The following BTBD7 variants were observed in gnomAD, a reference collection of about 807,000 sequenced individuals.
The protein encoded by BTBD7 is BTB domain containing 7.
A neutral mutation model predicts 99.9 loss-of-function variants in BTBD7; 38 were observed. The ratio of observed to expected loss-of-function variants is 0.38; its 90% CI spans 0.29 to 0.50. BTBD7 has a LOEUF of 0.50. BTBD7 is among the 20% of genes least tolerant of loss of function. The pLI, the probability that BTBD7 is intolerant of heterozygous loss-of-function variation, is 0.93. For missense variants in BTBD7, 1,170 were observed against 1,394.6 expected, an observed-to-expected ratio of 0.84 and a Z score of 2.57; for synonymous variants, 520 against 511.4, an observed-to-expected ratio of 1.02 and a Z score of -0.23.
intron 1 of BTBD7, among the ~76,000 whole-genome samples, chr14:93,296,668 A>C (rs1223945891): frequency 6.6e-6 from 1 of 152,242 alleles, no homozygotes; most frequent in Admixed American, 6.5e-5. Flanking sequence ...TTTTACTAAA[A>C]GAGGGAGGAG....
At chr14:93,326,549 C>T (rs989717210) in intron 1 of BTBD7, among the ~76,000 whole-genome samples, 15 of 152,328 alleles carry the variant, frequency 9.8e-5, no homozygotes, top group African/African-American at 3.4e-4. Context: ...CGCCTATAAT[C>T]CCAGCAATTT....
chr14:93,285,118 T>C (rs192154166), intron 3 of BTBD7, among the ~76,000 whole-genome samples: 41 of 152,234 alleles, frequency 2.7e-4, no homozygotes, highest in African/African-American at 9.6e-4. Context: ...GAGACAATTA[T>C]AGACAGAAGT....
At chr14:93,316,616 G>C in intron 1 of BTBD7, among the ~76,000 whole-genome samples, 1 of 152,090 alleles carries the variant, frequency 6.6e-6, no homozygotes, top group African/African-American at 2.4e-5. Context: ...TATAAGGTCA[G>C]GGTTTTTCTT....
intron 1 of BTBD7, among the ~76,000 whole-genome samples, chr14:93,314,875 A>G (rs1462213216): frequency 6.6e-6 from 1 of 152,190 alleles, no homozygotes; most frequent in Non-Finnish European, 1.5e-5. Flanking sequence ...ACTGATATTC[A>G]TTAGTCCCCA....
chr14:93,266,584 A>T (rs2052546127), intron 3 of BTBD7, among the ~76,000 whole-genome samples: 2 of 151,930 alleles, frequency 1.3e-5, no homozygotes, highest in Admixed American at 1.3e-4. Flanking sequence ...AATTTCTAAC[A>T]ATTAGAATTT....
In BTBD7 at chr14:93,240,210, G is replaced by A. The variant is rs1408478326; in HGVS notation, c.*2063C>T. On this transcript the variant is annotated 3_prime_UTR_variant, in exon 11 of 11. Coordinates refer to ENST00000334746, the MANE Select transcript of BTBD7 (RefSeq NM_001002860.4). ...CTCGGGAGCGTGCACCACCACCAGT[G>A]TCACCGAGCGCACCCGCACAGCAGC... is the stretch of plus-strand genomic sequence containing the variant. 1 of 152,644 alleles carries A rather than the reference G, an allele frequency of 6.6e-6. No homozygotes were observed. Among genetic ancestry groups the A allele is most frequent in the African/African-American group, 2.4e-5 (1 of 41,456 alleles). The allele number at this position is 152,644 out of a possible 1,614,324, so 9.5% of individuals were successfully genotyped here.
intron 3 of BTBD7, among the ~76,000 whole-genome samples, chr14:93,277,856 A>C (rs1466237147): frequency 6.6e-6 from 1 of 152,174 alleles, no homozygotes; most frequent in Non-Finnish European, 1.5e-5. Context: ...TATAATGAGA[A>C]CAGAAACAGT....
intron 3 of BTBD7, among the ~76,000 whole-genome samples, chr14:93,277,470 TATGCAGGC>T (rs2052669003): frequency 6.6e-6 from 1 of 152,196 alleles, no homozygotes; most frequent in Non-Finnish European, 1.5e-5. Context: ...CACATTCTTA[TATGCAGGC>T]ATCTTGCTGG....
chr14:93,245,916 G>A lies in BTBD7; in HGVS notation c.2492C>T (p.Ala831Val), dbSNP rs564361018. Residue 831 changes from alanine (A) to valine (V), a missense_variant, in exon 10 of 11, where the codon GCA (alanine) becomes GTA (valine). Ala to Val is a moderately conservative substitution (Grantham distance 64). Transcript: ENST00000334746. ...KAAPPDCTST[A>V]GLGRQTVAAA... ...AGCCACCGTCTGTCTGCCCAGTCCT[G>A]CAGTGCTGGTACAATCAGGCGGTGC... 1 of 1,614,146 alleles carries A rather than the reference G, an allele frequency of 6.2e-7. No individual in the cohort carries two copies. Among genetic ancestry groups the A allele is most frequent in the African/African-American group, 1.3e-5 (1 of 75,044 alleles).
At chr14:93,296,684 G>T (rs916245697) in intron 1 of BTBD7, among the ~76,000 whole-genome samples, 4 of 152,100 alleles carry the variant, frequency 2.6e-5, no homozygotes, top group Admixed American at 6.5e-5. Context: ...AGGAGGAAAG[G>T]TGGACAATTA....
rs186498457 is a variant in BTBD7, at chr14:93,305,696, C to G, written c.-106-9539G>C. Among the ~76,000 whole-genome samples the G allele has an allele frequency of 2.0e-5, 3 of 152,310 alleles. No homozygotes were observed. The East Asian group carries it at 5.8e-4, about 29-fold the overall frequency. On this transcript the variant is annotated intron_variant, in intron 1 of 10. Coordinates refer to ENST00000334746, the MANE Select transcript of BTBD7 (RefSeq NM_001002860.4). ...CAATGAAAGTCTGCATCTTAAAACT[C>G]TATTTTCCATTTGTTTAGAAGCTTG...
At position 93,251,486 on chromosome 14, in the gene BTBD7, G is replaced by A; in HGVS notation, c.1919C>T (p.Ser640Leu). ...ACCTGGAATTTCGTTGGCTACAACT[G>A]AAGGAGGGCTTGACTGGTTGCTGCT... ...QISSNQSSPP[S>L]VVANEIPVPR... Residue 640 changes from serine (S) to leucine (L), a missense_variant, in exon 8 of 11, where the codon TCA becomes TTA. Ser to Leu is a moderately radical substitution (Grantham distance 145). This residue lies in a region of BTBD7 where 309 missense variants were observed against 342.0 expected (regional missense o/e 0.90). Coordinates refer to ENST00000334746, the MANE Select transcript of BTBD7 (RefSeq NM_001002860.4). 6.2e-7 allele frequency: 1 copy of A among 1,602,536 alleles called. No individual in the cohort carries two copies. Among genetic ancestry groups the A allele is most frequent in the Non-Finnish European group, 8.5e-7 (1 of 1,171,788 alleles).
At chr14:93,315,123 T>C (rs923884749) in intron 1 of BTBD7, among the ~76,000 whole-genome samples, 1 of 152,178 alleles carries the variant, frequency 6.6e-6, no homozygotes, top group Non-Finnish European at 1.5e-5. Flanking sequence ...AAAACTAATT[T>C]ATATATAAAT....
At chr14:93,300,615 A>G (rs1393694412) in intron 1 of BTBD7, among the ~76,000 whole-genome samples, 1 of 150,858 alleles carries the variant, frequency 6.6e-6, no homozygotes, top group East Asian at 2.0e-4. Context: ...GGCTCACTGC[A>G]ACCTCCACCT....
At chr14:93,292,634 C>T (rs916921892) in intron 3 of BTBD7, among the ~76,000 whole-genome samples, 6 of 152,064 alleles carry the variant, frequency 3.9e-5, no homozygotes, top group Non-Finnish European at 8.8e-5. Context: ...GTGTAAGTTC[C>T]CATTTTATTA....
At chr14:93,259,757 A>T (rs1376791768) in intron 5 of BTBD7, among the ~76,000 whole-genome samples, 2 of 152,150 alleles carry the variant, frequency 1.3e-5, no homozygotes, top group Non-Finnish European at 2.9e-5. Context: ...AACATGGCGA[A>T]ACCCTGTGTC....
At chr14:93,290,719 C>T (rs1309426569) in intron 3 of BTBD7, among the ~76,000 whole-genome samples, 11 of 151,252 alleles carry the variant, frequency 7.3e-5, no homozygotes, top group Non-Finnish European at 1.3e-4. Flanking sequence ...GAGATGGAGA[C>T]TCACTCTGTC....
chr14:93,325,699 C>A (rs1055998127), intron 1 of BTBD7, among the ~76,000 whole-genome samples: 1 of 152,020 alleles, frequency 6.6e-6, no homozygotes, highest in African/African-American at 2.4e-5. Context: ...AAACTATAAA[C>A]ATCAGTCAGA....
chr14:93,280,490 AC>A (rs2052706090), intron 3 of BTBD7, among the ~76,000 whole-genome samples: 1 of 152,230 alleles, frequency 6.6e-6, no homozygotes, highest in South Asian at 2.1e-4. Flanking sequence ...GTTTTTTGGC[AC>A]TACTTTCAGA....
Sources: allele counts gnomAD v4.1 joint callset (sites outside exome capture counted in the v4.1 genomes callset), GRCh38; gene constraint gnomAD v4.1.1; regional missense constraint gnomAD v4.1.1; transcripts MANE v1.5; gene names NCBI Gene and HGNC (gene_info 2026-07-23, HGNC 2026-07-21).